The following PALD1 variants were observed in gnomAD, a reference collection of about 807,000 sequenced individuals.
PALD1 encodes the protein phosphatase domain containing paladin 1.
A neutral mutation model predicts 96.0 loss-of-function variants in PALD1; 57 were observed. The ratio of observed to expected loss-of-function variants is 0.59; its 90% CI spans 0.48 to 0.74. The LOEUF is 0.74. Among genes scored for constraint, PALD1 ranks in the 30% least tolerant of loss-of-function variants. The pLI, the probability that PALD1 is intolerant of heterozygous loss-of-function variation, is 0.00. For missense variants in PALD1, 1,063 were observed against 1,143.7 expected, an observed-to-expected ratio of 0.93 and a Z score of 1.02; for synonymous variants, 464 against 473.6, an observed-to-expected ratio of 0.98 and a Z score of 0.26.
rs549227129 is a variant in PALD1 at position 70,506,830 on chromosome 10, G to C, written c.-29-19093G>C. Among the ~76,000 whole-genome samples, 10 of 152,258 alleles carry C rather than the reference G, an allele frequency of 6.6e-5. No homozygotes were observed. The East Asian group carries it at 1.4e-3, about 21-fold the overall frequency. The stretch of plus-strand genomic sequence containing the variant: ...GAGAGGAGCCCTCTGTCTTCCTTCT[G>C]ACCTGAAAGGGCTTCCCTGGCCTCT... On this transcript the variant is annotated intron_variant, in intron 1 of 19. Transcript: ENST00000263563.
chr10:70,547,451 G>GCCCCCAAACCCCCCCCCCCC lies in PALD1; in HGVS notation c.2262+11_2262+12insAACCCCCCCCCCCCCCCCCA. ...ATCATCTGCACCTACCGCCAGGTGAGCCCCCACCCCACCCCACCCCACCCT... is the reference window on the plus strand; with the variant it reads ...ATCATCTGCACCTACCGCCAGGTGAGCCCCCAAACCCCCCCCCCCCCCCCCACCCCACCCCACCCCACCCT... On this transcript the variant is annotated splice_donor_region_variant and intron_variant, in intron 18 of 19. Coordinates refer to ENST00000263563, the MANE Select transcript of PALD1 (RefSeq NM_014431.3). The GCCCCCAAACCCCCCCCCCCC allele has an allele frequency of 6.3e-7, 1 of 1,585,850 alleles. No homozygotes were observed. Among genetic ancestry groups the GCCCCCAAACCCCCCCCCCCC allele is most frequent in the Non-Finnish European group, 8.6e-7 (1 of 1,164,776 alleles).
At chr10:70,472,627 T>C in the PALD1 span, among the ~76,000 whole-genome samples, 1 of 152,046 alleles carries the variant, frequency 6.6e-6, no homozygotes, top group Admixed American at 6.6e-5. Flanking sequence ...TATTCAGGGA[T>C]GGATGGTCCT....
intron 1 of PALD1, among the ~76,000 whole-genome samples, chr10:70,497,284 G>GTA (rs1846210179): frequency 6.6e-6 from 1 of 152,266 alleles, no homozygotes; most frequent in Non-Finnish European, 1.5e-5. Context: ...GCAGAGCCCT[G>GTA]CACACACCTT....
At chr10:70,464,932 T>C in the PALD1 span, among the ~76,000 whole-genome samples, 2 of 146,422 alleles carry the variant, frequency 1.4e-5, no homozygotes, top group Non-Finnish European at 3.0e-5. Context: ...CCGGCCTCTA[T>C]GTACACTTGT....
chr10:70,475,406 G>A (rs974364342), upstream of PALD1, among the ~76,000 whole-genome samples: 2 of 152,172 alleles, frequency 1.3e-5, no homozygotes, highest in African/African-American at 4.8e-5. Context: ...ACTGGGCTCA[G>A]GGCGAAATCA....
rs1345176636 is a variant in PALD1, at chr10:70,539,868, G to A, written c.1908+106G>A. On this transcript the variant is annotated intron_variant, in intron 15 of 19. Transcript: ENST00000263563. The surrounding 1 kb of genome is among the most constrained non-coding windows in gnomAD (Gnocchi z 4.5). ...AATGAAACGACCCCAGCTTCTCTACGGGGCCCGGGAATGGTCTCACGAGGT... is the reference window on the plus strand; with the variant it reads ...AATGAAACGACCCCAGCTTCTCTACAGGGCCCGGGAATGGTCTCACGAGGT... 3 of 1,012,730 alleles carry A rather than the reference G, an allele frequency of 3.0e-6. No individual in the cohort carries two copies. Among genetic ancestry groups the A allele is most frequent in the Non-Finnish European group, 4.3e-6 (3 of 691,338 alleles). The allele number at this position is 1,012,730 out of a possible 1,614,324, so 62.7% of individuals were successfully genotyped here.
intron 1 of PALD1, among the ~76,000 whole-genome samples, chr10:70,489,812 C>T (rs898599551): frequency 6.6e-6 from 1 of 152,212 alleles, no homozygotes; most frequent in Non-Finnish European, 1.5e-5. Flanking sequence ...TTGGTAGTCA[C>T]TCCCCACCCC....
intron 1 of PALD1, among the ~76,000 whole-genome samples, chr10:70,503,920 TC>T (rs1846341153): frequency 6.6e-6 from 1 of 152,214 alleles, no homozygotes; most frequent in South Asian, 2.1e-4. Flanking sequence ...CTTCCGCACT[TC>T]CTTTGGGAGC....
At chr10:70,526,159 C>T (rs772356807) in intron 2 of PALD1, 23 bp downstream of exon 2, 2 of 1,605,908 alleles carry the variant, frequency 1.2e-6, no homozygotes, top group Non-Finnish European at 1.7e-6. Context: ...GGGAGTGTGC[C>T]CATGTCCCTG....
intron 1 of PALD1, among the ~76,000 whole-genome samples, chr10:70,498,316 C>G (rs1846229932): frequency 6.6e-6 from 1 of 152,136 alleles, no homozygotes; most frequent in African/African-American, 2.4e-5. Context: ...TGCTCTATCA[C>G]CAGAGCTAGA....
At chr10:70,561,742 A>G (rs1847741901) in intron 18 of PALD1, among the ~76,000 whole-genome samples, 1 of 151,838 alleles carries the variant, frequency 6.6e-6, no homozygotes. Context: ...CCCTACCGCC[A>G]TGAGCTCCTC....
chr10:70,524,368 C>G (rs1846809502), intron 1 of PALD1, among the ~76,000 whole-genome samples: 1 of 152,104 alleles, frequency 6.6e-6, no homozygotes, highest in South Asian at 2.1e-4. Flanking sequence ...GAATTCCCAG[C>G]CCCCTCCCTT....
At chr10:70,549,042 C>G (rs1354183120) in intron 18 of PALD1, among the ~76,000 whole-genome samples, 2 of 88,492 alleles carry the variant, frequency 2.3e-5, no homozygotes, top group African/African-American at 8.6e-5. Flanking sequence ...GACCTTGTCT[C>G]TACCAAAAAA....
chr10:70,545,774 T>C (rs1229445835), intron 17 of PALD1, among the ~76,000 whole-genome samples: 1 of 151,578 alleles, frequency 6.6e-6, no homozygotes, highest in African/African-American at 2.4e-5. Context: ...GGTGTCCAAC[T>C]CTGAGCGTCT....
In PALD1 at chr10:70,553,067, C is replaced by T. The variant is rs145006014; in HGVS notation, c.2262+5621C>T. ...TGGCCGGAATGGTTACTGGGGGTGC[C>T]GTATGCTGCTGTTGGGGCTGGAAGA... is the stretch of plus-strand genomic sequence containing the variant. On this transcript the variant is annotated intron_variant, in intron 18 of 19. Transcript: ENST00000263563. Among the ~76,000 whole-genome samples, 1,489 of 152,200 alleles carry T rather than the reference C, an allele frequency of 9.8e-3. 25 individuals are homozygous for T. The highest frequency in any genetic ancestry group is 0.034 in the African/African-American group (1,420 of 41,532).
Position 70,533,069 on chromosome 10 carries a change from G to T in PALD1, c.869G>T (p.Arg290Leu). The change falls in exon 7 of 20, where the codon CGG becomes CTG. Residue 290 changes from arginine to leucine, a missense_variant and splice_region_variant. Coordinates refer to ENST00000263563, the MANE Select transcript of PALD1 (RefSeq NM_014431.3). ...TTGGACGCCTTTGTCAGTGTTCTCC[G>T]GGTAACTGGGGCACGGGCGCGCATG... ...AQLDAFVSVL[R>L]ETPSLLQLRD... 6.3e-7 allele frequency: 1 copy of T among 1,576,172 alleles called. No individual in the cohort carries two copies.
chr10:70,494,988 GC>G (rs1456048793), intron 1 of PALD1, among the ~76,000 whole-genome samples: 4 of 152,230 alleles, frequency 2.6e-5, no homozygotes, highest in Non-Finnish European at 5.9e-5. Context: ...CTTTAGCTCA[GC>G]CTCCTGAATT....
chr10:70,538,481 G>T (rs1294586705), intron 12 of PALD1, 73 bp downstream of exon 12: 32 of 1,487,996 alleles, frequency 2.2e-5, no homozygotes, highest in Non-Finnish European at 2.9e-5. Flanking sequence ...CTGGATTCCT[G>T]TAGGGTTGGG....
chr10:70,500,275 AG>A (rs1846268842), intron 1 of PALD1, among the ~76,000 whole-genome samples: 1 of 152,226 alleles, frequency 6.6e-6, no homozygotes, highest in Non-Finnish European at 1.5e-5. Context: ...CCTGTTGCTC[AG>A]GTGCCTCCAC....
Sources: allele counts gnomAD v4.1 joint callset (sites outside exome capture counted in the v4.1 genomes callset), GRCh38; gene constraint gnomAD v4.1.1; non-coding constraint Gnocchi (gnomAD v3.1); transcripts MANE v1.5; gene names NCBI Gene and HGNC (gene_info 2026-07-23, HGNC 2026-07-21).